Variants in TLR5 observed in about 807,000 individuals in gnomAD.
The protein encoded by TLR5 is toll like receptor 5.
For synonymous variants in TLR5, 373 were observed against 384.4 expected (o/e 0.97, Z 0.35); for missense variants, 944 against 999.8 (o/e 0.94, Z 0.75).
At chr1:223,120,384 C>T (rs1214226479) in intron 5 of TLR5, among the ~76,000 whole-genome samples, 1 of 152,206 alleles carries the variant, frequency 6.6e-6, no homozygotes, top group Non-Finnish European at 1.5e-5. Flanking sequence ...TTTCAATCCA[C>T]CTATGACCTG....
Position 223,111,933 on chromosome 1 carries a change from A to G in TLR5, c.1099T>C (p.Leu367=). ...YGLPKVAYID[L]QKNHIAIIQD... is the part of the protein sequence containing the mutation. Reference sequence around the variant, plus strand: ...ATTATTGCAATGTGATTCTTTTGCAAATCAATGTAGGCTACCTTAGGTAGT... The same window carrying G: ...ATTATTGCAATGTGATTCTTTTGCAGATCAATGTAGGCTACCTTAGGTAGT... Residue 367 remains leucine (L), a synonymous_variant, in exon 6 of 6, where the codon TTG becomes CTG. Coordinates refer to ENST00000642603, the MANE Select transcript of TLR5 (RefSeq NM_003268.6). The G allele has an allele frequency of 6.2e-7, 1 of 1,614,192 alleles. No homozygotes were observed. The highest frequency in any genetic ancestry group is 1.1e-5 in the South Asian group (1 of 91,088).
chr1:223,110,701 G>T lies in TLR5; in HGVS notation c.2331C>A (p.Gly777=), dbSNP rs1287022358. The T allele has an allele frequency of 1.2e-6, 2 of 1,614,030 alleles. No individual in the cohort carries two copies. The highest frequency in any genetic ancestry group is 2.2e-5 in the East Asian group (1 of 44,898). ...CACTGTTAAGGTCAGATAAGCACCT[G>T]CCCTGGGCATAACTGAAGGCTTCAA... ...WCLEAFSYAQ[G]RCLSDLNSAL... The change falls in exon 6 of 6, where the codon GGC becomes GGA. Residue 777 remains glycine, a synonymous_variant. Transcript: ENST00000642603.
At chr1:223,126,143 G>T (rs921905736) in intron 5 of TLR5, among the ~76,000 whole-genome samples, 9 of 152,184 alleles carry the variant, frequency 5.9e-5, no homozygotes, top group African/African-American at 1.9e-4. Context: ...AAAATTTGTT[G>T]TCTATATAAT....
chr1:223,133,870 G>A (rs539578614), intron 4 of TLR5, among the ~76,000 whole-genome samples: 1 of 151,452 alleles, frequency 6.6e-6, no homozygotes, highest in African/African-American at 2.5e-5. Flanking sequence ...CAGGGACCGA[G>A]GGGGAGGAGC....
At position 223,129,977 on chromosome 1, in the gene TLR5, C is replaced by A. The variant is rs1322655384; in HGVS notation, c.-5+2498G>T. On this transcript the variant is annotated intron_variant, in intron 5 of 5. Transcript: ENST00000642603. ...CTTTATGATTCCATAATACAAAGCA[C>A]GTCTATTAAGTGTAGCCTAAATTTC... 2.0e-5 allele frequency among the ~76,000 whole-genome samples: 3 copies of A among 152,108 alleles called. No homozygotes were observed. In the South Asian group the frequency reaches 6.2e-4, roughly 32 times the overall value.
rs1657534947 is a variant in TLR5 at position 223,134,678 on chromosome 1, C to T, written c.-170+4G>A. On this transcript the variant is annotated splice_donor_region_variant and intron_variant, in intron 4 of 5. Transcript: ENST00000642603. ...TGGCTCGCCCAGAAAGTGAACATCC[C>T]TACCTGTCTCCAGGTTCGGACAGCG... is the stretch of plus-strand genomic sequence containing the variant. 2.0e-5 allele frequency: 3 copies of T among 152,314 alleles called. No homozygotes were observed. The highest frequency in any genetic ancestry group is 4.4e-5 in the Non-Finnish European group (3 of 68,028). The allele number at this position is 152,314 out of a possible 1,614,324, so 9.4% of individuals were successfully genotyped here.
chr1:223,121,043 A>C (rs964019943), intron 5 of TLR5, among the ~76,000 whole-genome samples: 2 of 152,222 alleles, frequency 1.3e-5, no homozygotes, highest in African/African-American at 2.4e-5. Flanking sequence ...TGTTTGTGCC[A>C]CTGCACTCCA....
chr1:223,112,292 C>T lies in TLR5; in HGVS notation c.740G>A (p.Ser247Asn), dbSNP rs201656581. The change falls in exon 6 of 6, where the codon AGC becomes AAC. Residue 247 changes from serine (S) to asparagine (N), a missense_variant. Physicochemically the swap from Ser to Asn is conservative, Grantham distance 46 (BLOSUM62 1). Coordinates refer to ENST00000642603, the MANE Select transcript of TLR5 (RefSeq NM_003268.6). ...GGCCTGGCTTTTGCTGATGGCATTG[C>T]TAAAGTTTCCTGTGATGTCCACTGT... ...GWTVDITGNF[S>N]NAISKSQAFS... The T allele has an allele frequency of 1.1e-5, 18 of 1,614,036 alleles. No individual in the cohort carries two copies. Among genetic ancestry groups the T allele is most frequent in the African/African-American group, 2.7e-5 (2 of 74,906 alleles).
In TLR5 at chr1:223,117,462, C is replaced by T. The variant is rs559677810; in HGVS notation, c.-4-4427G>A. On this transcript the variant is annotated intron_variant, in intron 5 of 5. Transcript: ENST00000642603. Reference sequence around the variant, plus strand: ...AGGCTGAGGAGGCACCGAGAGTGAGCGAGGGCTGCCAGCACGCTGTCACCT... The same window carrying T: ...AGGCTGAGGAGGCACCGAGAGTGAGTGAGGGCTGCCAGCACGCTGTCACCT... 2.7e-5 allele frequency among the ~76,000 whole-genome samples: 4 copies of T among 149,464 alleles called. No individual in the cohort carries two copies. The East Asian group carries it at 6.1e-4, about 23-fold the overall frequency.
At chr1:223,120,145 T>C (rs1270359748) in intron 5 of TLR5, among the ~76,000 whole-genome samples, 1 of 151,914 alleles carries the variant, frequency 6.6e-6, no homozygotes, top group Non-Finnish European at 1.5e-5. Context: ...AAAATCTATA[T>C]TCTGTAGAGA....
chr1:223,114,230 G>T (rs1183468682), intron 5 of TLR5, among the ~76,000 whole-genome samples: 1 of 152,166 alleles, frequency 6.6e-6, no homozygotes, highest in Non-Finnish European at 1.5e-5. Context: ...CAGCAGAAAT[G>T]GTGCTCAATG....
At chr1:223,121,872 G>A (rs1049699168) in intron 5 of TLR5, among the ~76,000 whole-genome samples, 1 of 152,180 alleles carries the variant, frequency 6.6e-6, no homozygotes, top group Admixed American at 6.5e-5. Flanking sequence ...GCCACTTTCT[G>A]TCTCAGTGAA....
At position 223,121,580 on chromosome 1, in the gene TLR5, G is replaced by A. The variant is rs139900811; in HGVS notation, c.-4-8545C>T. On this transcript the variant is annotated intron_variant, in intron 5 of 5. Transcript: ENST00000642603. ...GCTGTCCAGGCTGGAGTGCAGTGGT[G>A]CGATTACAGCTCACTGCAGCCTTAA... Among the ~76,000 whole-genome samples the A allele has an allele frequency of 2.7e-3, 410 of 152,314 alleles. 3 individuals are homozygous for A. Among genetic ancestry groups the A allele is most frequent in the African/African-American group, 9.3e-3 (386 of 41,574 alleles).
chr1:223,116,527 A>G (rs977323882), intron 5 of TLR5, among the ~76,000 whole-genome samples: 2 of 152,154 alleles, frequency 1.3e-5, no homozygotes, highest in Non-Finnish European at 2.9e-5. Context: ...AGACCCAAAG[A>G]GCGAGCGGCA....
At chr1:223,119,983 A>AAAATAAAATAAATAAAAT (rs1656870667) in intron 5 of TLR5, among the ~76,000 whole-genome samples, 1 of 63,118 alleles carries the variant, frequency 1.6e-5, no homozygotes, top group African/African-American at 9.7e-5. Flanking sequence ...TAAAATAAAT[A>AAAATAAAATAAATAAAAT]AAATAAAATA....
intron 5 of TLR5, among the ~76,000 whole-genome samples, chr1:223,117,328 T>G (rs1656717170): frequency 6.6e-6 from 1 of 151,066 alleles, no homozygotes; most frequent in African/African-American, 2.4e-5. Flanking sequence ...CCTCCACACC[T>G]CCCAGCAAGC....
intron 5 of TLR5, among the ~76,000 whole-genome samples, chr1:223,122,682 T>G (rs1657000900): frequency 6.6e-6 from 1 of 152,214 alleles, no homozygotes; most frequent in Non-Finnish European, 1.5e-5. Flanking sequence ...TCATGCTCAG[T>G]CACACTGCCC....
At position 223,120,342 on chromosome 1, in the gene TLR5, G is replaced by A. The variant is rs1378148150; in HGVS notation, c.-4-7307C>T. On this transcript the variant is annotated intron_variant, in intron 5 of 5. Coordinates refer to ENST00000642603, the MANE Select transcript of TLR5 (RefSeq NM_003268.6). ...ATTCCAGGCCTTTAGATAAAAACTT[G>A]ATTCTTTCAGCAAATTGCCAGTCAG... Among the ~76,000 whole-genome samples the A allele has an allele frequency of 2.6e-5, 4 of 152,204 alleles. No individual in the cohort carries two copies. The Middle Eastern group carries it at 0.01, about 388-fold the overall frequency.
At chr1:223,127,564 T>C (rs1415399732) in intron 5 of TLR5, 3 of 152,150 alleles carry the variant, frequency 2.0e-5, no homozygotes, top group African/African-American at 7.2e-5. Flanking sequence ...AAAACATTGC[T>C]AGGGCCACAG....
Sources: allele counts gnomAD v4.1 joint callset (sites outside exome capture counted in the v4.1 genomes callset), GRCh38; gene constraint gnomAD v4.1.1; transcripts MANE v1.5; gene names NCBI Gene and HGNC (gene_info 2026-07-23, HGNC 2026-07-21).